MAP4K4: variants seen among roughly 807,000 people sequenced by gnomAD.
MAP4K4 encodes HPK/GCK-like kinase HGK.
MAP4K4 carries 38 observed loss-of-function variants against 189.6 expected under a neutral mutation model. The observed-to-expected ratio is 0.20, with a 90% CI of 0.15 to 0.26. The LOEUF is 0.26. Among genes scored for constraint, MAP4K4 ranks in the 10% least tolerant of loss-of-function variants. The pLI, the probability that MAP4K4 is intolerant of heterozygous loss-of-function variation, is 1.00. For missense variants in MAP4K4, 1,054 were observed against 1,726.9 expected, an observed-to-expected ratio of 0.61 and a Z score of 6.91; for synonymous variants, 610 against 624.3, an observed-to-expected ratio of 0.98 and a Z score of 0.34.
At chr2:101,706,393 A>G (rs185400309) in intron 2 of MAP4K4, among the ~76,000 whole-genome samples, 45 of 152,314 alleles carry the variant, frequency 3.0e-4, no homozygotes, top group African/African-American at 9.4e-4. Context: ...TATCATGACT[A>G]TGTAAATACC....
intron 12 of MAP4K4, among the ~76,000 whole-genome samples, chr2:101,851,239 G>A (rs888718392): frequency 1.4e-4 from 21 of 152,170 alleles, no homozygotes; most frequent in African/African-American, 2.4e-4. Flanking sequence ...TGATGATCAC[G>A]TTAGGACATC....
intron 2 of MAP4K4, among the ~76,000 whole-genome samples, chr2:101,733,829 A>T (rs2059409037): frequency 6.6e-6 from 1 of 152,188 alleles, no homozygotes; most frequent in Non-Finnish European, 1.5e-5. Context: ...CAGGAAGAGC[A>T]CAGATCAGGA....
intron 2 of MAP4K4, among the ~76,000 whole-genome samples, chr2:101,728,858 C>T (rs1422063829): frequency 1.3e-5 from 2 of 152,184 alleles, no homozygotes; most frequent in African/African-American, 4.8e-5. Flanking sequence ...TGTTTGGAGA[C>T]TAGCTCTAGC....
intron 21 of MAP4K4, among the ~76,000 whole-genome samples, chr2:101,868,904 A>T (rs1338226060): frequency 6.6e-6 from 1 of 151,840 alleles, no homozygotes; most frequent in Non-Finnish European, 1.5e-5. Context: ...CAGATCCTTG[A>T]GCTTTGGTGT....
chr2:101,846,937 T>G (rs1418600740), intron 12 of MAP4K4, among the ~76,000 whole-genome samples: 1 of 152,172 alleles, frequency 6.6e-6, no homozygotes, highest in African/African-American at 2.4e-5. Context: ...TTCTAGGACT[T>G]CCCATGGATA....
chr2:101,715,610 C>G (rs2047950377), intron 2 of MAP4K4, among the ~76,000 whole-genome samples: 1 of 152,120 alleles, frequency 6.6e-6, no homozygotes, highest in African/African-American at 2.4e-5. Context: ...ATCCAAAATG[C>G]TCCAGTGAAC....
At chr2:101,737,461 A>ATTTTTT (rs1173208424) in intron 2 of MAP4K4, among the ~76,000 whole-genome samples, 5 of 26,006 alleles carry the variant, frequency 1.9e-4, no homozygotes, top group African/African-American at 3.0e-4. Flanking sequence ...ATATATATAT[A>ATTTTTT]TTTTTTTTTT....
intron 2 of MAP4K4, among the ~76,000 whole-genome samples, chr2:101,770,154 A>G (rs1380137427): frequency 6.6e-6 from 1 of 152,114 alleles, no homozygotes; most frequent in African/African-American, 2.4e-5. Context: ...AGATATCATT[A>G]ACATGTAGTT....
intron 2 of MAP4K4, among the ~76,000 whole-genome samples, chr2:101,765,607 A>G (rs2078304832): frequency 6.6e-6 from 1 of 152,162 alleles, no homozygotes; most frequent in African/African-American, 2.4e-5. Flanking sequence ...TTACAGGTGT[A>G]AATCACACTG....
intron 2 of MAP4K4, among the ~76,000 whole-genome samples, chr2:101,714,386 C>CT (rs1487729113): frequency 6.6e-6 from 1 of 152,108 alleles, no homozygotes; most frequent in Non-Finnish European, 1.5e-5. Flanking sequence ...GTTATGCCAT[C>CT]TTTATGCAAC....
At chr2:101,769,578 A>G (rs1335230528) in intron 2 of MAP4K4, among the ~76,000 whole-genome samples, 1 of 152,030 alleles carries the variant, frequency 6.6e-6, no homozygotes, top group African/African-American at 2.4e-5. Context: ...CTCATCCAGA[A>G]ATGTCTTTTT....
intron 7 of MAP4K4, among the ~76,000 whole-genome samples, chr2:101,832,112 T>G (rs1053652328): frequency 3.9e-5 from 6 of 152,244 alleles, no homozygotes; most frequent in Non-Finnish European, 7.3e-5. Flanking sequence ...TGCCTAGAAC[T>G]TTTTGTTCCT....
At chr2:101,760,503 A>ATAT (rs2075811709) in intron 2 of MAP4K4, among the ~76,000 whole-genome samples, 1 of 133,138 alleles carries the variant, frequency 7.5e-6, no homozygotes, top group African/African-American at 2.9e-5. Flanking sequence ...AAAAAAACAA[A>ATAT]ATATATATAT....
chr2:101,763,254 C>T (rs2077234739), intron 2 of MAP4K4, among the ~76,000 whole-genome samples: 1 of 152,204 alleles, frequency 6.6e-6, no homozygotes, highest in Non-Finnish European at 1.5e-5. Flanking sequence ...TTACCTACCA[C>T]ACCAGCCAGT....
At chr2:101,729,326 C>T (rs1361900929) in intron 2 of MAP4K4, among the ~76,000 whole-genome samples, 1 of 152,094 alleles carries the variant, frequency 6.6e-6, no homozygotes, top group African/African-American at 2.4e-5. Context: ...TATTTGTGTG[C>T]AGTACAGCCA....
At chr2:101,869,846 C>T in intron 22 of MAP4K4, 49 bp downstream of exon 22, 1 of 1,468,580 alleles carries the variant, frequency 6.8e-7, no homozygotes, top group Non-Finnish European at 9.0e-7. Context: ...CTCTCAGAGC[C>T]TGCTTTCCAC....
chr2:101,725,192 C>G (rs1272306231), intron 2 of MAP4K4, among the ~76,000 whole-genome samples: 1 of 152,100 alleles, frequency 6.6e-6, no homozygotes, highest in Non-Finnish European at 1.5e-5. Context: ...GAAGTGTTTG[C>G]AGATAGCATG....
intron 2 of MAP4K4, among the ~76,000 whole-genome samples, chr2:101,737,528 G>A (rs1220280379): frequency 2.2e-5 from 3 of 133,536 alleles, no homozygotes; most frequent in South Asian, 5.1e-4. Context: ...ATCAGAGTGT[G>A]AGATTGGGAA....
chr2:101,729,077 G>GAAGAGAGAGAGAGAGAGAGAGAA (rs70946662), intron 2 of MAP4K4, among the ~76,000 whole-genome samples: 1 of 128,676 alleles, frequency 7.8e-6, no homozygotes, highest in Non-Finnish European at 1.6e-5. Context: ...ATTAGAGAGA[G>GAAGAGAGAGAGAGAGAGAGAGAA]GAGAGAGAGA....
Sources: allele counts gnomAD v4.1 joint callset (sites outside exome capture counted in the v4.1 genomes callset), GRCh38; gene constraint gnomAD v4.1.1; transcripts MANE v1.5; gene names NCBI Gene and HGNC (gene_info 2026-07-23, HGNC 2026-07-21).